ERGIC1: variants seen among roughly 807,000 people sequenced by gnomAD.
ERGIC1 encodes endoplasmic reticulum-golgi intermediate compartment 1, also known as endoplasmic reticulum-Golgi intermediate compartment protein 1.
ERGIC1 carries 19 observed loss-of-function variants against 38.3 expected under a neutral mutation model. The observed-to-expected ratio is 0.50, with a 90% CI of 0.35 to 0.73. ERGIC1 has a LOEUF of 0.73. Ranked by LOEUF, ERGIC1 falls within the 30% of genes least tolerant of loss-of-function variation. ERGIC1 has a pLI of 0.01. For synonymous variants in ERGIC1, 124 were observed against 157.6 expected (o/e 0.79, Z 1.60); for missense variants, 294 against 389.2 (o/e 0.76, Z 2.06).
chr5:172,878,544 T>C lies in ERGIC1; in HGVS notation c.21-10155T>C, dbSNP rs12054835. On this transcript the variant is annotated intron_variant, in intron 1 of 9. Transcript: ENST00000393784. ...GCGCAGTAAGCCCTCGCAAGGGGGG[T>C]AGCAGCAGTCATAGCTGTGATTGTT... Among the ~76,000 whole-genome samples, 43 of 151,982 alleles carry C rather than the reference T, an allele frequency of 2.8e-4. No individual in the cohort carries two copies. In the East Asian group the frequency reaches 7.4e-3, roughly 26 times the overall value.
intron 1 of ERGIC1, among the ~76,000 whole-genome samples, chr5:172,876,826 G>T (rs1762148533): frequency 6.6e-6 from 1 of 152,000 alleles, no homozygotes; most frequent in African/African-American, 2.4e-5. Context: ...ATACCATATG[G>T]ACCCTAGTTT....
chr5:172,857,428 C>T (rs935495850), intron 1 of ERGIC1, among the ~76,000 whole-genome samples: 2 of 152,122 alleles, frequency 1.3e-5, no homozygotes, highest in African/African-American at 2.4e-5. Flanking sequence ...GACATGCCTG[C>T]GGGAGGAGAC....
chr5:172,930,905 C>T (rs1443442192), intron 7 of ERGIC1, among the ~76,000 whole-genome samples: 3 of 152,174 alleles, frequency 2.0e-5, no homozygotes, highest in Admixed American at 6.5e-5. Context: ...CAGGGTTGAA[C>T]AGAGGGATGT....
intron 2 of ERGIC1, among the ~76,000 whole-genome samples, chr5:172,893,916 T>TATATATATATATACACAC (rs1420718318): frequency 8.6e-5 from 7 of 81,782 alleles, no homozygotes; most frequent in East Asian, 8.5e-4. Flanking sequence ...TGTGTGTGTG[T>TATATATATATATACACAC]GTGTGTGTGT....
At chr5:172,863,109 C>T (rs1581521499) in intron 1 of ERGIC1, among the ~76,000 whole-genome samples, 1 of 152,206 alleles carries the variant, frequency 6.6e-6, no homozygotes, top group East Asian at 1.9e-4. Flanking sequence ...CACCATCACA[C>T]CTGGCTAATT....
At chr5:172,859,812 T>C (rs1169757065) in intron 1 of ERGIC1, among the ~76,000 whole-genome samples, 1 of 152,236 alleles carries the variant, frequency 6.6e-6, no homozygotes. Flanking sequence ...CCATAGGTGG[T>C]GGCTTCAGGA....
At chr5:172,923,611 CTG>C (rs1479311319) in intron 5 of ERGIC1, among the ~76,000 whole-genome samples, 1 of 152,260 alleles carries the variant, frequency 6.6e-6, no homozygotes, top group Non-Finnish European at 1.5e-5. Flanking sequence ...GGTTTGGAGT[CTG>C]AGGAATCCCC....
At chr5:172,931,881 CAG>C (rs1344114611) in intron 7 of ERGIC1, among the ~76,000 whole-genome samples, 1 of 88,884 alleles carries the variant, frequency 1.1e-5, no homozygotes, top group Non-Finnish European at 2.3e-5. Flanking sequence ...TTTTTTGAGA[CAG>C]AGTCTTGCTC....
intron 1 of ERGIC1, among the ~76,000 whole-genome samples, chr5:172,854,502 C>T (rs990171334): frequency 2.0e-5 from 3 of 152,272 alleles, no homozygotes; most frequent in Non-Finnish European, 4.4e-5. Context: ...GTTCTACCCA[C>T]GTCTGCGTGG....
chr5:172,945,658 G>A (rs187961427), intron 9 of ERGIC1, among the ~76,000 whole-genome samples: 2 of 150,968 alleles, frequency 1.3e-5, no homozygotes, highest in Admixed American at 6.6e-5. Context: ...CAGTAGAGCC[G>A]CAGGGGTTTT....
At chr5:172,838,990 C>T (rs1761094145) in intron 1 of ERGIC1, among the ~76,000 whole-genome samples, 2 of 152,088 alleles carry the variant, frequency 1.3e-5, no homozygotes, top group Non-Finnish European at 2.9e-5. Flanking sequence ...CCTGTAATCC[C>T]AGCACTTTGG....
intron 3 of ERGIC1, among the ~76,000 whole-genome samples, chr5:172,909,037 G>A (rs1763135060): frequency 6.6e-6 from 1 of 152,122 alleles, no homozygotes; most frequent in Non-Finnish European, 1.5e-5. Context: ...CACTTAACAG[G>A]TGTGTTCACA....
chr5:172,849,157 T>G (rs1306986930), intron 1 of ERGIC1, among the ~76,000 whole-genome samples: 1 of 152,202 alleles, frequency 6.6e-6, no homozygotes, highest in African/African-American at 2.4e-5. Flanking sequence ...TCTGGCAAAG[T>G]AACAAACCCA....
rs567863509 is a variant in ERGIC1 at position 172,907,741 on chromosome 5, T to C, written c.156-1926T>C. Among the ~76,000 whole-genome samples, 29 of 152,108 alleles carry C rather than the reference T, an allele frequency of 1.9e-4. 1 individual carries two copies. In the East Asian group the frequency reaches 5.6e-3, roughly 30 times the overall value. On this transcript the variant is annotated intron_variant, in intron 3 of 9. Coordinates refer to ENST00000393784, the MANE Select transcript of ERGIC1 (RefSeq NM_001031711.3). ...TCAGAGAGGTCTTCCCAGCCCCTTC[T>C]CCCCAAAGGTCAGTGGCCCTGTAGT...
chr5:172,845,595 C>G (rs1036323368), intron 1 of ERGIC1, among the ~76,000 whole-genome samples: 1 of 152,244 alleles, frequency 6.6e-6, no homozygotes, highest in Non-Finnish European at 1.5e-5. Context: ...TGCCCTGCAA[C>G]TCATGATTTA....
rs73325107 is a variant in ERGIC1 at position 172,858,692 on chromosome 5, C to T, written c.20+24259C>T. Among the ~76,000 whole-genome samples the T allele has an allele frequency of 6.9e-3, 1,056 of 152,352 alleles. 12 individuals are homozygous for T. Among genetic ancestry groups the T allele is most frequent in the African/African-American group, 0.024 (983 of 41,576 alleles). On this transcript the variant is annotated intron_variant, in intron 1 of 9. Transcript: ENST00000393784. ...TGTTAGCATAGGCCCTACTGCGTAC[C>T]TGGCAGACCCAAGTTCATCATCTCG... is the stretch of plus-strand genomic sequence containing the variant.
rs56384349 is a variant in ERGIC1 at position 172,877,458 on chromosome 5, ATTT to A, written c.21-11225_21-11223del. On this transcript the variant is annotated intron_variant, in intron 1 of 9. Coordinates refer to ENST00000393784, the MANE Select transcript of ERGIC1 (RefSeq NM_001031711.3). ...TGTGTGTGTATATATATATATATAT[ATTT>A]TTTTTTTTTTTTTTTGAGATGGAGT... Among the ~76,000 whole-genome samples, 283 of 86,566 alleles carry A rather than the reference ATTT, an allele frequency of 3.3e-3. 1 individual carries two copies. The highest frequency in any genetic ancestry group is 7.2e-3 in the East Asian group (23 of 3,194). The allele number at this position is 86,566 out of a possible 152,430, so 56.8% of individuals were successfully genotyped here.
At chr5:172,927,579 CTTT>C (rs35565131) in intron 7 of ERGIC1, among the ~76,000 whole-genome samples, 13 of 131,290 alleles carry the variant, frequency 9.9e-5, no homozygotes, top group Admixed American at 1.6e-4. Flanking sequence ...CTCTGCTGTG[CTTT>C]TTTTTTTTTT....
At chr5:172,937,201 A>G (rs1013596000) in intron 9 of ERGIC1, 1 of 152,210 alleles carries the variant, frequency 6.6e-6, no homozygotes, top group African/African-American at 2.4e-5. Context: ...CCAAATGGGA[A>G]AGGGGTAGCC....
Sources: allele counts gnomAD v4.1 joint callset (sites outside exome capture counted in the v4.1 genomes callset), GRCh38; gene constraint gnomAD v4.1.1; transcripts MANE v1.5; gene names NCBI Gene and HGNC (gene_info 2026-07-23, HGNC 2026-07-21).